NEK11: variants seen among roughly 807,000 people sequenced by gnomAD.
The protein encoded by NEK11 is NIMA related kinase 11, also known as serine/threonine-protein kinase Nek11.
In NEK11, 72 loss-of-function variants were observed where a neutral mutation model predicts 80.7. The ratio of observed to expected loss-of-function variants is 0.89; its 90% CI spans 0.74 to 1.08. The LOEUF (loss-of-function observed/expected upper bound fraction) is 1.08. Among genes scored for constraint, NEK11 ranks in the 50% least tolerant of loss-of-function variants. NEK11 has a pLI of 0.00. For synonymous variants in NEK11, 251 were observed against 260.7 expected (o/e 0.96, Z 0.36); for missense variants, 764 against 763.6 (o/e 1.00, Z -0.01).
intron 4 of NEK11, among the ~76,000 whole-genome samples, chr3:131,089,865 C>G (rs2076486988): frequency 6.6e-6 from 1 of 152,126 alleles, no homozygotes; most frequent in Admixed American, 6.6e-5. Context: ...TGGAAGAATG[C>G]TTATTTAATG....
At chr3:131,210,412 G>A (rs9853450) in intron 14 of NEK11, among the ~76,000 whole-genome samples, 121,696 of 152,066 alleles carry the variant, frequency 0.8, 48,794 homozygotes, top group East Asian at 0.89. Flanking sequence ...CAATTTTGGA[G>A]TAAGTGCAAC....
intron 3 of NEK11, among the ~76,000 whole-genome samples, chr3:131,055,273 T>G (rs1416795537): frequency 6.6e-6 from 1 of 152,246 alleles, no homozygotes; most frequent in Non-Finnish European, 1.5e-5. Context: ...AATGTCTTCA[T>G]TCAGTCTTTG....
At chr3:131,080,298 A>T in intron 3 of NEK11, 125 bp from the exon 4 acceptor site, 1 of 680,402 alleles carries the variant, frequency 1.5e-6, no homozygotes, top group Non-Finnish European at 2.4e-6. Context: ...GTGTCATAAT[A>T]GGCAATACCA....
Position 131,287,689 on chromosome 3 carries a change from T to G in NEK11, c.1718+14115T>G, listed in dbSNP as rs369732703. Among the ~76,000 whole-genome samples, 6 of 152,202 alleles carry G rather than the reference T, an allele frequency of 3.9e-5. No individual in the cohort carries two copies. The East Asian group carries it at 1.2e-3, about 29-fold the overall frequency. ...CCCTCTATCAACATGGGAAAGGCTG[T>G]GGATTTGACCTACTTGCCACAAGTC... On this transcript the variant is annotated intron_variant, in intron 17 of 17. Coordinates refer to ENST00000383366, the MANE Select transcript of NEK11 (RefSeq NM_024800.5).
At chr3:131,247,787 G>A (rs540039400) in intron 16 of NEK11, among the ~76,000 whole-genome samples, 1 of 148,398 alleles carries the variant, frequency 6.7e-6, no homozygotes, top group South Asian at 2.1e-4. Context: ...TTAGTGTTTT[G>A]TAGTTTTCCT....
intron 10 of NEK11, among the ~76,000 whole-genome samples, chr3:131,161,666 C>T (rs2091610146): frequency 6.6e-6 from 1 of 152,044 alleles, no homozygotes; most frequent in Non-Finnish European, 1.5e-5. Flanking sequence ...GAACAACAGA[C>T]ACTGGAATTT....
chr3:131,080,750 T>A (rs2075132255), intron 4 of NEK11, among the ~76,000 whole-genome samples, 162 bp downstream of exon 4: 2 of 152,172 alleles, frequency 1.3e-5, no homozygotes, highest in South Asian at 4.1e-4. Flanking sequence ...CTGTAGATAA[T>A]TGACAAAACT....
intron 17 of NEK11, among the ~76,000 whole-genome samples, chr3:131,320,199 T>TA (rs1008454002): frequency 2.0e-5 from 3 of 152,154 alleles, no homozygotes; most frequent in Non-Finnish European, 4.4e-5. Flanking sequence ...AACACAGGTT[T>TA]ATGCTTGGTT....
intron 5 of NEK11, 108 bp from the exon 6 acceptor site, chr3:131,132,637 G>T: frequency 1.6e-6 from 1 of 611,386 alleles, no homozygotes; most frequent in Non-Finnish European, 2.9e-6. Context: ...ATATCTATGG[G>T]AGTATATATT....
chr3:131,252,470 A>G (rs2095724075), intron 16 of NEK11, among the ~76,000 whole-genome samples: 1 of 151,992 alleles, frequency 6.6e-6, no homozygotes, highest in African/African-American at 2.4e-5. Flanking sequence ...CCCATTCCTG[A>G]CCCCAATTTA....
rs1274745935 is a variant in NEK11 at position 131,332,211 on chromosome 3, AC to A, written c.1719-17340del. ...CCCCTGAGCAACCTAACTGGGAGGC[AC>A]CCCCCAGTAGGGGCACACTGACACC... On this transcript the variant is annotated intron_variant, in intron 17 of 17. Coordinates refer to ENST00000383366, the MANE Select transcript of NEK11 (RefSeq NM_024800.5). Among the ~76,000 whole-genome samples, 4 of 152,040 alleles carry A rather than the reference AC, an allele frequency of 2.6e-5. No individual in the cohort carries two copies. The South Asian group carries it at 6.2e-4, about 24-fold the overall frequency.
chr3:131,172,360 T>A (rs2092744979), intron 14 of NEK11, among the ~76,000 whole-genome samples: 2 of 152,210 alleles, frequency 1.3e-5, no homozygotes, highest in African/African-American at 2.4e-5. Context: ...ATTAAGGTAG[T>A]GAACCTTGGA....
intron 14 of NEK11, among the ~76,000 whole-genome samples, chr3:131,218,712 AGAG>A (rs1435967772): frequency 6.6e-6 from 1 of 152,214 alleles, no homozygotes; most frequent in African/African-American, 2.4e-5. Context: ...CCTCATAAGA[AGAG>A]GAGATTAGGC....
At chr3:131,207,973 G>A (rs933317942) in intron 14 of NEK11, among the ~76,000 whole-genome samples, 3 of 152,264 alleles carry the variant, frequency 2.0e-5, no homozygotes, top group Middle Eastern at 3.4e-3. Context: ...AGTTTAATTC[G>A]ATCCCATTTG....
rs1041778836 is a variant in NEK11, at chr3:131,173,864, G to A, written c.1399+2977G>A. ...AGTGTGTTGATTTACCAGCCAGACTGGAAATCGTCAAATCTACTTCTTTGA... is the reference window on the plus strand; with the variant it reads ...AGTGTGTTGATTTACCAGCCAGACTAGAAATCGTCAAATCTACTTCTTTGA... On this transcript the variant is annotated intron_variant, in intron 14 of 17. Transcript: ENST00000383366. Among the ~76,000 whole-genome samples, 4 of 152,008 alleles carry A rather than the reference G, an allele frequency of 2.6e-5. No individual in the cohort carries two copies. The South Asian group carries it at 8.3e-4, about 32-fold the overall frequency.
chr3:131,036,184 C>G (rs1434024606), intron 3 of NEK11, among the ~76,000 whole-genome samples: 1 of 152,204 alleles, frequency 6.6e-6, no homozygotes, highest in Non-Finnish European at 1.5e-5. Context: ...CCTTTCTGTG[C>G]ATTTGGAATT....
chr3:131,305,469 T>C (rs962404321), intron 17 of NEK11, among the ~76,000 whole-genome samples: 1 of 152,116 alleles, frequency 6.6e-6, no homozygotes, highest in Non-Finnish European at 1.5e-5. Context: ...ACTGGCCCCA[T>C]TCCACAGGCA....
intron 17 of NEK11, among the ~76,000 whole-genome samples, chr3:131,305,670 A>G (rs74904526): frequency 0.14 from 21,353 of 152,150 alleles, 1,701 homozygotes; most frequent in South Asian, 0.23. Context: ...TCTCCCTGCC[A>G]GCTCAAGTGT....
chr3:131,233,037 G>GAAGGAAGA (rs2095363361), intron 15 of NEK11, among the ~76,000 whole-genome samples: 1 of 146,552 alleles, frequency 6.8e-6, no homozygotes, highest in African/African-American at 2.5e-5. Context: ...AGGAAGGAAG[G>GAAGGAAGA]TTGGATGAGA....
Sources: allele counts gnomAD v4.1 joint callset (sites outside exome capture counted in the v4.1 genomes callset), GRCh38; gene constraint gnomAD v4.1.1; transcripts MANE v1.5; gene names NCBI Gene and HGNC (gene_info 2026-07-23, HGNC 2026-07-21).